The following NCOA1 variants were observed in gnomAD, a reference collection of about 807,000 sequenced individuals.
NCOA1 encodes nuclear receptor coactivator 1.
A neutral mutation model predicts 150.9 loss-of-function variants in NCOA1; 35 were observed. The observed-to-expected ratio is 0.23, with a 90% CI of 0.18 to 0.31. The LOEUF (loss-of-function observed/expected upper bound fraction) is 0.31, where lower values mean the gene tolerates loss of function less well. Among genes scored for constraint, NCOA1 ranks in the 10% least tolerant of loss-of-function variants. The pLI is 1.00. For synonymous variants in NCOA1, 590 were observed against 630.0 expected, an observed-to-expected ratio of 0.94 and a Z score of 0.95; for missense variants, 1,491 against 1,749.3, an observed-to-expected ratio of 0.85 and a Z score of 2.63.
intron 20 of NCOA1, among the ~76,000 whole-genome samples, chr2:24,755,820 C>T (rs897647144): frequency 3.3e-5 from 5 of 152,186 alleles, no homozygotes; most frequent in African/African-American, 1.2e-4. Flanking sequence ...AGTATGACAT[C>T]ATTGCAGTCC....
intron 5 of NCOA1, among the ~76,000 whole-genome samples, chr2:24,664,234 G>A (rs1671311890): frequency 6.6e-6 from 1 of 152,094 alleles, no homozygotes; most frequent in Admixed American, 6.6e-5. Context: ...CTACAATTGG[G>A]AAAACTCATC....
intron 21 of NCOA1, among the ~76,000 whole-genome samples, chr2:24,759,462 A>G (rs1402837621): frequency 1.3e-5 from 2 of 152,216 alleles, no homozygotes; most frequent in Non-Finnish European, 2.9e-5. Context: ...CTTTTTTGAT[A>G]TGTTGCATGC....
intron 1 of NCOA1, among the ~76,000 whole-genome samples, chr2:24,543,234 A>T (rs2148199878): frequency 6.6e-6 from 1 of 152,286 alleles, no homozygotes; most frequent in Admixed American, 6.5e-5. Flanking sequence ...TCACATCGTG[A>T]GAGTGGAAGC....
chr2:24,764,175 A>G (rs1011774552), intron 22 of NCOA1, among the ~76,000 whole-genome samples: 1 of 152,206 alleles, frequency 6.6e-6, no homozygotes, highest in African/African-American at 2.4e-5. Context: ...GAAACTGAAC[A>G]TGAGGAGGTT....
At position 24,752,069 on chromosome 2, in the gene NCOA1, G is replaced by C; in HGVS notation, c.3794G>C (p.Ser1265Thr). ...MVPMPIPPPQ[S>T]SLLQQTPPAS... ...CCGATGCCAATCCCTCCTCCTCAGA[G>C]TTCTCTTCTCCAGCAAACTCCACCT... is the stretch of plus-strand genomic sequence containing the variant. Residue 1265 changes from serine (S) to threonine (T), a missense_variant, in exon 20 of 23, where the codon AGT (serine) becomes ACT (threonine). By Grantham distance (58) the Ser-to-Thr change is moderately conservative. This residue lies in a region of NCOA1 where 485 missense variants were observed against 522.8 expected (regional missense o/e 0.93). Coordinates refer to ENST00000348332, the MANE Select transcript of NCOA1 (RefSeq NM_003743.5). The C allele has an allele frequency of 6.2e-7, 1 of 1,614,158 alleles. No homozygotes were observed. Among genetic ancestry groups the C allele is most frequent in the Non-Finnish European group, 8.5e-7 (1 of 1,180,028 alleles).
At chr2:24,630,541 A>G in intron 3 of NCOA1, among the ~76,000 whole-genome samples, 1 of 152,184 alleles carries the variant, frequency 6.6e-6, no homozygotes, top group Non-Finnish European at 1.5e-5. Flanking sequence ...TCTCTTTATT[A>G]CTGGTCCACT....
chr2:24,606,285 G>A (rs1668360643), intron 3 of NCOA1, among the ~76,000 whole-genome samples: 1 of 151,980 alleles, frequency 6.6e-6, no homozygotes, highest in Non-Finnish European at 1.5e-5. Context: ...TGCCAAGGCT[G>A]GAGTGCAGTG....
At chr2:24,688,782 T>C (rs142712177) in intron 8 of NCOA1, among the ~76,000 whole-genome samples, 1 of 152,254 alleles carries the variant, frequency 6.6e-6, no homozygotes, top group African/African-American at 2.4e-5. Context: ...TGCTTTTGTT[T>C]TGATCACTTT....
chr2:24,545,106 C>T (rs1328883884), intron 1 of NCOA1, among the ~76,000 whole-genome samples: 1 of 152,110 alleles, frequency 6.6e-6, no homozygotes, highest in Non-Finnish European at 1.5e-5. Context: ...GGCCTAGGAG[C>T]AGTGACAACC....
intron 1 of NCOA1, chr2:24,556,069 A>ATG (rs2148238131): frequency 1.3e-5 from 2 of 152,324 alleles, no homozygotes; most frequent in African/African-American, 4.8e-5. Flanking sequence ...AACATGTTCC[A>ATG]TGGTGGTTTG....
At chr2:24,521,669 T>TATGAATA (rs1443529959) in intron 1 of NCOA1, among the ~76,000 whole-genome samples, 1 of 152,240 alleles carries the variant, frequency 6.6e-6, no homozygotes, top group Non-Finnish European at 1.5e-5. Flanking sequence ...TTTTGGCTGT[T>TATGAATA]ATGAATAATG....
At chr2:24,577,425 C>T (rs1273155416) in intron 2 of NCOA1, among the ~76,000 whole-genome samples, 3 of 152,196 alleles carry the variant, frequency 2.0e-5, no homozygotes, top group African/African-American at 2.4e-5. Flanking sequence ...CATATAACTT[C>T]TACCTCATCT....
In NCOA1 at chr2:24,617,358, T is replaced by G. The variant is rs115041005; in HGVS notation, c.-174-26608T>G. On this transcript the variant is annotated intron_variant, in intron 3 of 22. Coordinates refer to ENST00000348332, the MANE Select transcript of NCOA1 (RefSeq NM_003743.5). ...ACGTTATGATCTCTCCACCTCAACT[T>G]CTGCTGGTTTTCCTTTTACCTCTAT... is the stretch of plus-strand genomic sequence containing the variant. Among the ~76,000 whole-genome samples, 544 of 152,276 alleles carry G rather than the reference T, an allele frequency of 3.6e-3. 4 individuals are homozygous for G. Among genetic ancestry groups the G allele is most frequent in the African/African-American group, 0.012 (519 of 41,562 alleles).
chr2:24,521,755 A>T (rs10166639), intron 1 of NCOA1, among the ~76,000 whole-genome samples: 1 of 152,138 alleles, frequency 6.6e-6, no homozygotes, highest in African/African-American at 2.4e-5. Context: ...CAGAAGTAGG[A>T]TTGCTGGATC....
chr2:24,729,505 G>T lies in NCOA1; in HGVS notation c.2891G>T (p.Gly964Val), dbSNP rs1356590772. 5.0e-6 allele frequency: 8 copies of T among 1,611,092 alleles called. No individual in the cohort carries two copies. The highest frequency in any genetic ancestry group is 1.3e-5 in the African/African-American group (1 of 74,828). Reference sequence around the variant, plus strand: ...TTCTGGCTTCTTTTCTAACAGGGGGGTGGATTAGATGTATTATCAGAGAGA... The same window carrying T: ...TTCTGGCTTCTTTTCTAACAGGGGGTTGGATTAGATGTATTATCAGAGAGA... Reference protein sequence around the residue: ...ALGIDKLVQGGGLDVLSERFP... With the variant: ...ALGIDKLVQGVGLDVLSERFP... Residue 964 changes from glycine (G) to valine (V), a missense_variant, in exon 17 of 23, where the codon GGT (glycine) becomes GTT (valine). By Grantham distance (109) the Gly-to-Val change is moderately radical. Coordinates refer to ENST00000348332, the MANE Select transcript of NCOA1 (RefSeq NM_003743.5).
intron 17 of NCOA1, among the ~76,000 whole-genome samples, chr2:24,737,912 G>T (rs1185648209): frequency 2.0e-5 from 3 of 152,230 alleles, no homozygotes; most frequent in East Asian, 3.9e-4. Context: ...AATTAACTTG[G>T]TTTATCTAAA....
rs554535340 is a variant in NCOA1, at chr2:24,589,398, A to G, written c.-175+4838A>G. Among the ~76,000 whole-genome samples the G allele has an allele frequency of 3.3e-5, 5 of 152,240 alleles. No individual in the cohort carries two copies. The East Asian group carries it at 7.7e-4, about 24-fold the overall frequency. On this transcript the variant is annotated intron_variant, in intron 3 of 22. Transcript: ENST00000348332. ...ATGGAATTACTTTATCCCTCTGGCA[A>G]AGTCGTCAATCTGTATCTTAAGTTA...
intron 2 of NCOA1, among the ~76,000 whole-genome samples, chr2:24,576,248 C>A (rs12617152): frequency 0.035 from 5,094 of 143,804 alleles, 110 homozygotes; most frequent in East Asian, 0.1. Flanking sequence ...GACATATCAG[C>A]ACTCTCCTAA....
At chr2:24,533,541 G>A (rs1053399069) in intron 1 of NCOA1, among the ~76,000 whole-genome samples, 3 of 152,142 alleles carry the variant, frequency 2.0e-5, no homozygotes, top group African/African-American at 7.2e-5. Flanking sequence ...CAAAGGGAAT[G>A]CTTCCAGTTT....
Sources: allele counts gnomAD v4.1 joint callset (sites outside exome capture counted in the v4.1 genomes callset), GRCh38; gene constraint gnomAD v4.1.1; regional missense constraint gnomAD v4.1.1; transcripts MANE v1.5; gene names NCBI Gene and HGNC (gene_info 2026-07-23, HGNC 2026-07-21).